The following PCBP2 variants were observed in gnomAD, a reference collection of about 807,000 sequenced individuals.
PCBP2 encodes the protein poly(rC)-binding protein 2.
A neutral mutation model predicts 50.1 loss-of-function variants in PCBP2; 4 were observed. That is an observed-to-expected ratio of 0.08 (90% confidence interval 0.04 to 0.18). The LOEUF is 0.18. Ranked by LOEUF, PCBP2 falls within the 10% of genes least tolerant of loss-of-function variation. The pLI is 1.00. For missense variants in PCBP2, 161 were observed against 474.3 expected, an observed-to-expected ratio of 0.34 and a Z score of 6.14; for synonymous variants, 179 against 168.0, an observed-to-expected ratio of 1.07 and a Z score of -0.51.
chr12:53,461,713 T>A (rs753442326), intron 7 of PCBP2, among the ~76,000 whole-genome samples: 13 of 152,054 alleles, frequency 8.5e-5, no homozygotes, highest in Non-Finnish European at 1.8e-4. Flanking sequence ...AACGAATTTT[T>A]TCGTGTGTGT....
intron 9 of PCBP2, chr12:53,465,058 A>G: frequency 2.4e-6 from 1 of 422,934 alleles, no homozygotes; most frequent in Non-Finnish European, 3.9e-6. Context: ...TTTTTTTTTT[A>G]ATTTTTTTTT....
chr12:53,477,665 C>CAAAAAAAAAAAAAAAA (rs61213286), intron 14 of PCBP2, among the ~76,000 whole-genome samples: 2 of 52,884 alleles, frequency 3.8e-5, no homozygotes, highest in South Asian at 8.5e-4. Flanking sequence ...GACTCTGTCT[C>CAAAAAAAAAAAAAAAA]AAAAAAAAAA....
intron 1 of PCBP2, among the ~76,000 whole-genome samples, chr12:53,452,581 C>T (rs1043678646): frequency 2.0e-5 from 3 of 151,548 alleles, no homozygotes; most frequent in Admixed American, 6.6e-5. Context: ...AGGCCTATTC[C>T]CCCCTCCCCC....
intron 5 of PCBP2, among the ~76,000 whole-genome samples, chr12:53,456,556 C>T (rs1488644467): frequency 1.3e-5 from 2 of 152,202 alleles, no homozygotes; most frequent in African/African-American, 4.8e-5. Context: ...TGAAAGTATG[C>T]CATTGCTTTG....
intron 14 of PCBP2, among the ~76,000 whole-genome samples, chr12:53,477,097 C>T (rs1206080788): frequency 6.6e-6 from 1 of 152,124 alleles, no homozygotes; most frequent in Non-Finnish European, 1.5e-5. Context: ...TATTTCATAG[C>T]ATCCCCTTCT....
Position 53,459,412 on chromosome 12 carries a change from C to G in PCBP2, c.375+9C>G. 1.2e-6 allele frequency: 2 copies of G among 1,606,108 alleles called. No individual in the cohort carries two copies. Among genetic ancestry groups the G allele is most frequent in the African/African-American group, 1.3e-5 (1 of 74,728 alleles). On this transcript the variant is annotated intron_variant, in intron 6 of 14. Coordinates refer to ENST00000546463, the MANE Select transcript of PCBP2 (RefSeq NM_031989.5). ...TCAAGGAAATACGAGAGGTTAGTGACTTTTGTCGTCCTTTTAGAAATGTTA... is the reference window on the plus strand; with the variant it reads ...TCAAGGAAATACGAGAGGTTAGTGAGTTTTGTCGTCCTTTTAGAAATGTTA...
At chr12:53,459,681 C>T (rs1941302003) in intron 6 of PCBP2, 1 of 260,914 alleles carries the variant, frequency 3.8e-6, no homozygotes, top group African/African-American at 2.2e-5. Context: ...TTCCATGAGG[C>T]TACATAGTTC....
rs971037478 is a variant in PCBP2, at chr12:53,469,537, A to G, written c.882+705A>G. Among the ~76,000 whole-genome samples the G allele has an allele frequency of 5.9e-5, 9 of 151,894 alleles. No individual in the cohort carries two copies. The South Asian group carries it at 1.5e-3, about 25-fold the overall frequency. ...GAAGTTCGAGACCAGCCTGACTACCATGGAGGAACCCATCTCTACTAAAAA... is the reference window on the plus strand; with the variant it reads ...GAAGTTCGAGACCAGCCTGACTACCGTGGAGGAACCCATCTCTACTAAAAA... On this transcript the variant is annotated intron_variant, in intron 13 of 14. Coordinates refer to ENST00000546463, the MANE Select transcript of PCBP2 (RefSeq NM_031989.5).
At chr12:53,463,080 C>A (rs1170022320) in intron 8 of PCBP2, among the ~76,000 whole-genome samples, 2 of 152,156 alleles carry the variant, frequency 1.3e-5, no homozygotes, top group Non-Finnish European at 2.9e-5. Flanking sequence ...CTCATAAACA[C>A]TGGTTTGAAC....
intron 13 of PCBP2, among the ~76,000 whole-genome samples, chr12:53,470,381 A>AG (rs1942130327): frequency 1.0e-5 from 1 of 96,716 alleles, no homozygotes; most frequent in Non-Finnish European, 2.5e-5. Flanking sequence ...CGTCTCTCAA[A>AG]AAAAAAAAAA....
intron 14 of PCBP2, chr12:53,475,479 A>G (rs538139686): frequency 3.1e-4 from 82 of 268,080 alleles, no homozygotes; most frequent in Middle Eastern, 1.4e-3. Context: ...TTTTCTTTGT[A>G]GCTTTATTCT....
intron 6 of PCBP2, chr12:53,460,747 C>CTATT (rs1364635222): frequency 3.2e-6 from 1 of 312,144 alleles, no homozygotes; most frequent in East Asian, 7.5e-5. Context: ...TGAAAGGCAA[C>CTATT]TATTTAGAAG....
At chr12:53,463,189 TAGAGTA>T (rs1941572959) in intron 8 of PCBP2, among the ~76,000 whole-genome samples, 2 of 152,164 alleles carry the variant, frequency 1.3e-5, no homozygotes, top group South Asian at 2.1e-4. Flanking sequence ...CCTTTGGTGT[TAGAGTA>T]AGAACACCAA....
chr12:53,470,250 C>A (rs1196400400), intron 13 of PCBP2, among the ~76,000 whole-genome samples: 1 of 151,700 alleles, frequency 6.6e-6, no homozygotes, highest in Middle Eastern at 3.4e-3. Context: ...TGCTGGCCCG[C>A]ACCTGTAATC....
At chr12:53,457,659 A>G (rs1324851960) in intron 5 of PCBP2, among the ~76,000 whole-genome samples, 4 of 151,702 alleles carry the variant, frequency 2.6e-5, no homozygotes, top group Non-Finnish European at 4.4e-5. Flanking sequence ...ATTTTATTAA[A>G]TTTTATTTTT....
rs1942980800 is a variant in PCBP2 at position 53,480,533 on chromosome 12, G to GGTAA, written c.*1093_*1094insAAGT. 1 of 152,492 alleles carries GGTAA rather than the reference G, an allele frequency of 6.6e-6. No homozygotes were observed. Among genetic ancestry groups the GGTAA allele is most frequent in the South Asian group, 2.1e-4 (1 of 4,822 alleles). The allele number at this position is 152,492 out of a possible 1,614,324, so 9.4% of individuals were successfully genotyped here. The stretch of plus-strand genomic sequence containing the variant: ...GTTATATTTCAAGGTTTTTCACAGG[G>GGTAA]GTTACAGTAGGACAGTCCCCACCCC... On this transcript the variant is annotated 3_prime_UTR_variant, in exon 15 of 15. Transcript: ENST00000546463.
In PCBP2 at chr12:53,466,878, G is replaced by A. The variant is rs535986038; in HGVS notation, c.715-343G>A. 9.2e-5 allele frequency among the ~76,000 whole-genome samples: 14 copies of A among 152,080 alleles called. No homozygotes were observed. In the East Asian group the frequency reaches 9.7e-4, roughly 11 times the overall value. ...CACCACTGCACAGTTTGTTTACCTAGCCTGTCTGTGCTTGTCCCTGCGGCA... is the reference window on the plus strand; with the variant it reads ...CACCACTGCACAGTTTGTTTACCTAACCTGTCTGTGCTTGTCCCTGCGGCA... On this transcript the variant is annotated intron_variant, in intron 10 of 14. Coordinates refer to ENST00000546463, the MANE Select transcript of PCBP2 (RefSeq NM_031989.5).
At chr12:53,470,832 G>A (rs57227902) in intron 13 of PCBP2, among the ~76,000 whole-genome samples, 12 of 151,884 alleles carry the variant, frequency 7.9e-5, no homozygotes, top group African/African-American at 2.9e-4. Flanking sequence ...GTCGGTATAG[G>A]AGGGTGGTAA....
intron 8 of PCBP2, among the ~76,000 whole-genome samples, chr12:53,463,350 G>A (rs74777957): frequency 2.0e-5 from 3 of 152,126 alleles, no homozygotes; most frequent in Non-Finnish European, 2.9e-5. Context: ...TGAGGAGTAG[G>A]TAGATCAGGT....
Sources: gnomAD v4.1 joint callset for allele counts (sites outside exome capture counted in the v4.1 genomes callset) on GRCh38, gnomAD v4.1.1 for gene constraint, MANE v1.5 for transcripts, NCBI Gene and HGNC (gene_info 2026-07-23, HGNC 2026-07-21) for gene names.